The following NHSL1 variants were observed in gnomAD, a reference collection of about 807,000 sequenced individuals.
The protein encoded by NHSL1 is NHS-like protein 1.
In NHSL1, 48 loss-of-function variants were observed where a neutral mutation model predicts 95.0. The observed-to-expected ratio is 0.51, with a 90% confidence interval of 0.40 to 0.64. The LOEUF is 0.64. Among genes scored for constraint, NHSL1 ranks in the 30% least tolerant of loss-of-function variants. The probability of loss-of-function intolerance (pLI) is 0.00; values close to 1 mark genes in which losing one functional copy is unlikely to be tolerated. For missense variants in NHSL1, 1,971 were observed against 2,077.7 expected (o/e 0.95, Z 1.00); for synonymous variants, 783 against 833.9 (o/e 0.94, Z 1.05).
rs1442424172 is a variant in NHSL1 at position 138,485,502 on chromosome 6, A to G, written c.211+10717T>C. On this transcript the variant is annotated intron_variant, in intron 2 of 7. Transcript: ENST00000343505. ...GTGGGGGCAACACGTCTCTTTAACTATCTGAAAAAGCAATGATTGTTCATT... is the reference window on the plus strand; with the variant it reads ...GTGGGGGCAACACGTCTCTTTAACTGTCTGAAAAAGCAATGATTGTTCATT... 2.0e-5 allele frequency among the ~76,000 whole-genome samples: 3 copies of G among 150,746 alleles called. No individual in the cohort carries two copies. The East Asian group carries it at 5.8e-4, about 29-fold the overall frequency.
intron 1 of NHSL1, chr6:138,571,701 T>C (rs565595642): frequency 1.3e-6 from 2 of 1,548,504 alleles, no homozygotes; most frequent in Admixed American, 4.0e-5. Flanking sequence ...TTTTTAAAAA[T>C]CGAGTCACCT....
intron 3 of NHSL1, among the ~76,000 whole-genome samples, chr6:138,447,651 T>C (rs1232639390): frequency 6.6e-6 from 1 of 152,124 alleles, no homozygotes; most frequent in Non-Finnish European, 1.5e-5. Context: ...TGGGCACCTG[T>C]AATCTCAGCT....
intron 4 of NHSL1, among the ~76,000 whole-genome samples, chr6:138,443,610 T>G (rs532692663): frequency 6.6e-6 from 1 of 152,320 alleles, no homozygotes; most frequent in South Asian, 2.1e-4. Context: ...GTGGATCACT[T>G]GAACTCAGGC....
intron 1 of NHSL1, among the ~76,000 whole-genome samples, chr6:138,641,678 T>C (rs529288964): frequency 1.3e-5 from 2 of 150,658 alleles, no homozygotes; most frequent in East Asian, 2.0e-4. Context: ...CTGCTTTCAG[T>C]ATGCCCTATC....
At chr6:138,676,973 A>G (rs1290914515) in intron 1 of NHSL1, among the ~76,000 whole-genome samples, 1 of 152,196 alleles carries the variant, frequency 6.6e-6, no homozygotes, top group Non-Finnish European at 1.5e-5. Flanking sequence ...GCCTTTTATC[A>G]AACTGTTTCA....
At chr6:138,527,788 C>T (rs576531846) in intron 1 of NHSL1, among the ~76,000 whole-genome samples, 1 of 152,260 alleles carries the variant, frequency 6.6e-6, no homozygotes, top group South Asian at 2.1e-4. Context: ...AGCCAGGTTC[C>T]AGGCAAGCTA....
Position 138,517,110 on chromosome 6 carries a change from A to G in NHSL1, c.17-20739T>C, listed in dbSNP as rs775068268. On this transcript the variant is annotated intron_variant, in intron 1 of 4. Transcript: ENST00000342260. ...CTGCACAATGATTTCCCCCATGCCT[A>G]CTCTTTGGCTGTATCATAACACTTT... 2.0e-5 allele frequency among the ~76,000 whole-genome samples: 3 copies of G among 152,084 alleles called. No homozygotes were observed. The South Asian group carries it at 6.2e-4, about 31-fold the overall frequency.
intron 1 of NHSL1, among the ~76,000 whole-genome samples, chr6:138,530,180 A>T (rs555144485): frequency 6.6e-6 from 1 of 152,340 alleles, no homozygotes; most frequent in Admixed American, 6.5e-5. Flanking sequence ...CATGAATGGA[A>T]TTAGTACACC....
At chr6:138,650,438 TG>T in intron 1 of NHSL1, 1 of 1,346,088 alleles carries the variant, frequency 7.4e-7, no homozygotes. Context: ...CTGCAATCCC[TG>T]TCAAGCATTT....
upstream of NHSL1, among the ~76,000 whole-genome samples, chr6:138,548,967 G>A (rs1782904986): frequency 6.6e-6 from 1 of 152,206 alleles, no homozygotes; most frequent in African/African-American, 2.4e-5. Flanking sequence ...CCAAATTCAT[G>A]TCCACCCTCA....
chr6:138,589,229 G>A (rs188028917), intron 1 of NHSL1, among the ~76,000 whole-genome samples: 4 of 152,268 alleles, frequency 2.6e-5, no homozygotes, highest in East Asian at 3.9e-4. Flanking sequence ...GTGCGTTCAT[G>A]GGACAGTATG....
intron 3 of NHSL1, among the ~76,000 whole-genome samples, chr6:138,466,917 C>G (rs140316735): frequency 2.6e-4 from 39 of 152,134 alleles, no homozygotes; most frequent in African/African-American, 8.7e-4. Context: ...AACCCCGTCT[C>G]TACTAAAAAT....
In NHSL1 at chr6:138,433,613, T is replaced by C. The variant is rs1445283292; in HGVS notation, c.732A>G (p.Leu244=). 4 of 1,552,016 alleles carry C rather than the reference T, an allele frequency of 2.6e-6. No individual in the cohort carries two copies. Among genetic ancestry groups the C allele is most frequent in the Non-Finnish European group, 3.5e-6 (4 of 1,147,080 alleles). ...CAGACCGACAGCTATTGAACCTTCC[T>C]AGTGTAGAGTAGTGATCAGGGGTGT... The part of the protein sequence containing the change: ...SVYTPDHYST[L]GRFNSCRSAG... Residue 244 remains leucine (L), a synonymous_variant, in exon 6 of 8, where the codon CTA becomes CTG. Transcript: ENST00000343505.
At chr6:138,490,272 G>A (rs1779995654) in intron 2 of NHSL1, among the ~76,000 whole-genome samples, 1 of 152,128 alleles carries the variant, frequency 6.6e-6, no homozygotes, top group African/African-American at 2.4e-5. Context: ...TGCCATCAGG[G>A]AGAGCTCTCA....
At position 138,649,786 on chromosome 6, in the gene NHSL1, G is replaced by A. The variant is rs536275464; in HGVS notation, c.96+42690C>T. 7.9e-5 allele frequency among the ~76,000 whole-genome samples: 12 copies of A among 152,284 alleles called. No homozygotes were observed. In the South Asian group the frequency reaches 1.9e-3, roughly 24 times the overall value. On this transcript the variant is annotated intron_variant, in intron 1 of 3. Coordinates refer to the NHSL1 transcript ENST00000491526. ...TGGTGGCCGTGTGCCAGGGGATCAC[G>A]CCCTATTTACGAAGAAGGAGAATGA...
chr6:138,445,847 G>A (rs748365593), intron 4 of NHSL1, among the ~76,000 whole-genome samples: 41 of 152,136 alleles, frequency 2.7e-4, no homozygotes, highest in Non-Finnish European at 3.4e-4. Context: ...TGGCCTTAAG[G>A]GCCCTGCTTT....
chr6:138,523,474 A>C (rs1047312296), intron 1 of NHSL1, among the ~76,000 whole-genome samples: 3 of 151,644 alleles, frequency 2.0e-5, no homozygotes, highest in African/African-American at 4.8e-5. Context: ...CACCCAGCTA[A>C]CTGTTTAAAC....
intron 1 of NHSL1, among the ~76,000 whole-genome samples, chr6:138,686,247 C>G (rs1442708301): frequency 1.3e-5 from 2 of 152,100 alleles, no homozygotes; most frequent in Non-Finnish European, 2.9e-5. Flanking sequence ...GTTGGTGGGG[C>G]ACAGTGGCTC....
At chr6:138,583,135 T>C (rs1784085480) in intron 1 of NHSL1, among the ~76,000 whole-genome samples, 1 of 152,196 alleles carries the variant, frequency 6.6e-6, no homozygotes, top group African/African-American at 2.4e-5. Flanking sequence ...AAAGGATGGC[T>C]GGTCACCTTG....
Sources: gnomAD v4.1 joint callset for allele counts (sites outside exome capture counted in the v4.1 genomes callset) on GRCh38, gnomAD v4.1.1 for gene constraint, MANE v1.5 for transcripts, NCBI Gene and HGNC (gene_info 2026-07-23, HGNC 2026-07-21) for gene names.